SLC25A30: variants seen among roughly 807,000 people sequenced by gnomAD.
SLC25A30 encodes solute carrier family 25 member 30, also known as kidney mitochondrial carrier protein 1.
A neutral mutation model predicts 42.7 loss-of-function variants in SLC25A30; 29 were observed. The observed-to-expected ratio is 0.68, with a 90% confidence interval of 0.51 to 0.93. The LOEUF (loss-of-function observed/expected upper bound fraction) is 0.93. Ranked by LOEUF, SLC25A30 falls within the 40% of genes least tolerant of loss-of-function variation. The pLI is 0.00. For synonymous variants in SLC25A30, 124 were observed against 131.0 expected (o/e 0.95, Z 0.37); for missense variants, 300 against 359.7 (o/e 0.83, Z 1.34).
upstream of SLC25A30, among the ~76,000 whole-genome samples, chr13:45,422,962 C>T (rs1017511186): frequency 6.6e-6 from 1 of 152,140 alleles, no homozygotes; most frequent in Non-Finnish European, 1.5e-5. Context: ...AAATGGGTGC[C>T]TGCCCTCTTT....
At chr13:45,427,006 T>C in the SLC25A30 span, among the ~76,000 whole-genome samples, 4 of 151,970 alleles carry the variant, frequency 2.6e-5, no homozygotes, top group Admixed American at 6.6e-5. Context: ...CAGAGTTACA[T>C]GATCATATAA....
At chr13:45,420,093 T>A (rs979780955), upstream of SLC25A30, among the ~76,000 whole-genome samples, 3 of 152,176 alleles carry the variant, frequency 2.0e-5, no homozygotes, top group Non-Finnish European at 4.4e-5. Context: ...AAAGTGCTAC[T>A]CCAGGAATCT....
In SLC25A30 at chr13:45,402,357, G is replaced by A. The variant is rs773817358; in HGVS notation, c.407C>T (p.Ala136Val). 43 of 1,613,494 alleles carry A rather than the reference G, an allele frequency of 2.7e-5. No individual in the cohort carries two copies. Among genetic ancestry groups the A allele is most frequent in the Admixed American group, 8.3e-5 (5 of 59,946 alleles). ...TCCTCCTTGAATGGTGTTGCTTTGC[G>A]CTTGCATCCGAATCTAGAGATTATT... ...PTDVLKIRMQ[A>V]QSNTIQGGMI... Residue 136 changes from alanine to valine, a missense_variant, in exon 6 of 10, where the codon GCG (alanine) becomes GTG (valine). Ala to Val is a moderately conservative substitution (Grantham distance 64, BLOSUM62 0). Coordinates refer to ENST00000519676, the MANE Select transcript of SLC25A30 (RefSeq NM_001010875.4).
intron 1 of SLC25A30, 146 bp from the exon 2 acceptor site, chr13:45,411,626 CA>C: frequency 1.8e-6 from 1 of 568,978 alleles, no homozygotes; most frequent in Non-Finnish European, 3.2e-6. Flanking sequence ...CTTAATAAAG[CA>C]AAGCACCCCT....
At chr13:45,424,067 A>G in the SLC25A30 span, among the ~76,000 whole-genome samples, 1 of 105,230 alleles carries the variant, frequency 9.5e-6, no homozygotes, top group Non-Finnish European at 1.7e-5. Flanking sequence ...AAAAATATAT[A>G]TATTTATATA....
At chr13:45,416,823 A>C (rs1251283059) in intron 1 of SLC25A30, among the ~76,000 whole-genome samples, 1 of 152,092 alleles carries the variant, frequency 6.6e-6, no homozygotes, top group Non-Finnish European at 1.5e-5. Context: ...AATTGTCTAT[A>C]CAAATTAAGA....
chr13:45,424,550 TAA>T, the SLC25A30 span, among the ~76,000 whole-genome samples: 3 of 69,580 alleles, frequency 4.3e-5, no homozygotes, highest in South Asian at 4.5e-4. Flanking sequence ...TATAAATATA[TAA>T]ATATATATAA....
Position 45,401,107 on chromosome 13 carries a change from C to T in SLC25A30, c.590G>A (p.Gly197Glu). ...CAGGAAGTGGGTATACACAGTGTCTCCCATCAGGCCTGAGAGAATAAGATG... is the reference window on the plus strand; with the variant it reads ...CAGGAAGTGGGTATACACAGTGTCTTCCATCAGGCCTGAGAGAATAAGATG... ...KKHLILSGLM[G>E]DTVYTHFLSS... The change falls in exon 7 of 10, where the codon GGA becomes GAA. Residue 197 changes from glycine (G) to glutamate (E), a missense_variant. By Grantham distance (98) the Gly-to-Glu change is moderately conservative (BLOSUM62 -2). Transcript: ENST00000519676. 6.2e-7 allele frequency: 1 copy of T among 1,613,510 alleles called. No individual in the cohort carries two copies.
Position 45,394,023 on chromosome 13 carries a change from T to G in SLC25A30, c.*1951A>C. On this transcript the variant is annotated 3_prime_UTR_variant, in exon 10 of 10. Transcript: ENST00000519676. ...AAAGAGCATTTCAAGAAAAGCAATC[T>G]TTAAACTCAAAGAACTCAAAAGTGA... is the stretch of plus-strand genomic sequence containing the variant. The G allele has an allele frequency of 1.0e-6, 1 of 985,200 alleles. No individual in the cohort carries two copies. Among genetic ancestry groups the G allele is most frequent in the Non-Finnish European group, 1.2e-6 (1 of 829,748 alleles). The allele number at this position is 985,200 out of a possible 1,614,324, so 61.0% of individuals were successfully genotyped here. A position where few individuals can be genotyped will look rare whatever the true frequency, so the allele number is the denominator to read the frequency against.
At chr13:45,402,858 C>T in intron 5 of SLC25A30, 1 of 980,888 alleles carries the variant, frequency 1.0e-6, no homozygotes, top group Non-Finnish European at 1.2e-6. Flanking sequence ...GGCGAGCTAG[C>T]CAAGTGACAG....
chr13:45,424,549 A>G, the SLC25A30 span, among the ~76,000 whole-genome samples: 19 of 75,502 alleles, frequency 2.5e-4, no homozygotes, highest in South Asian at 8.9e-4. Context: ...ATATAAATAT[A>G]TAAATATATA....
chr13:45,424,119 A>C, the SLC25A30 span, among the ~76,000 whole-genome samples: 1 of 96,590 alleles, frequency 1.0e-5, no homozygotes, highest in African/African-American at 4.7e-5. Flanking sequence ...ATATATAAAT[A>C]TATATAAATA....
chr13:45,401,341 G>C, intron 6 of SLC25A30, 134 bp from the exon 7 acceptor site: 2 of 860,268 alleles, frequency 2.3e-6, no homozygotes, highest in Non-Finnish European at 3.5e-6. Context: ...GAAATGTAGA[G>C]TGACAGAGCG....
intron 1 of SLC25A30, chr13:45,411,945 CA>C (rs34248795): frequency 0.013 from 1,158 of 92,206 alleles, 19 homozygotes; most frequent in African/African-American, 0.035. Flanking sequence ...CACCCTGTGT[CA>C]AAAAAAAAAA....
intron 4 of SLC25A30, 143 bp from the exon 5 acceptor site, chr13:45,404,555 A>C: frequency 1.6e-4 from 100 of 644,674 alleles, no homozygotes; most frequent in Middle Eastern, 4.1e-4. Context: ...ATGGTAGCTC[A>C]CATCTGTAAT....
chr13:45,433,035 A>AG, the SLC25A30 span, among the ~76,000 whole-genome samples: 320 of 151,560 alleles, frequency 2.1e-3, no homozygotes, highest in Non-Finnish European at 3.7e-3. Flanking sequence ...TCTTTCTCAA[A>AG]AAAAAAAAAA....
intron 1 of SLC25A30, among the ~76,000 whole-genome samples, chr13:45,414,952 A>G (rs1883395572): frequency 6.6e-6 from 1 of 152,196 alleles, no homozygotes; most frequent in African/African-American, 2.4e-5. Flanking sequence ...TTAGCAGTCA[A>G]TAGTGTCTGG....
intron 7 of SLC25A30, among the ~76,000 whole-genome samples, chr13:45,400,601 A>G (rs1881876776): frequency 6.6e-6 from 1 of 152,014 alleles, no homozygotes; most frequent in Non-Finnish European, 1.5e-5. Context: ...AGCTCAGGCA[A>G]TCCTCCTGCC....
At chr13:45,415,796 A>AT (rs557873011) in intron 1 of SLC25A30, among the ~76,000 whole-genome samples, 1,842 of 96,110 alleles carry the variant, frequency 0.019, 48 homozygotes, top group African/African-American at 0.048. Context: ...TGGCTGAATA[A>AT]TTTTTTTTTT....
Sources: allele counts gnomAD v4.1 joint callset (sites outside exome capture counted in the v4.1 genomes callset), GRCh38; gene constraint gnomAD v4.1.1; transcripts MANE v1.5; gene names NCBI Gene and HGNC (gene_info 2026-07-23, HGNC 2026-07-21).